The following PPP2R2B variants were observed in gnomAD, a reference collection of about 807,000 sequenced individuals.
PPP2R2B encodes protein phosphatase 2 regulatory subunit Bbeta, also known as serine/threonine-protein phosphatase 2A 55 kDa regulatory subunit B beta isoform.
In PPP2R2B, 5 loss-of-function variants were observed where a neutral mutation model predicts 46.0. That is an observed-to-expected ratio of 0.11 (90% CI 0.06 to 0.23). The LOEUF is 0.23. PPP2R2B is among the 10% of genes least tolerant of loss of function. The pLI, the probability that PPP2R2B is intolerant of heterozygous loss-of-function variation, is 1.00. For missense variants in PPP2R2B, 367 were observed against 575.0 expected (o/e 0.64, Z 3.70); for synonymous variants, 215 against 206.7 (o/e 1.04, Z -0.34).
intron 2 of PPP2R2B, among the ~76,000 whole-genome samples, chr5:146,826,661 C>T (rs1261352694): frequency 6.6e-6 from 1 of 152,100 alleles, no homozygotes; most frequent in Non-Finnish European, 1.5e-5. Flanking sequence ...GTGGCGTTTT[C>T]AAAACTCAGC....
intron 2 of PPP2R2B, among the ~76,000 whole-genome samples, chr5:146,811,788 C>A (rs1348931534): frequency 6.8e-6 from 1 of 147,382 alleles, no homozygotes; most frequent in African/African-American, 2.5e-5. Flanking sequence ...AGGATGGTCT[C>A]GATCTCCTGA....
At chr5:146,716,143 G>T (rs1160975095) in intron 2 of PPP2R2B, among the ~76,000 whole-genome samples, 1 of 149,170 alleles carries the variant, frequency 6.7e-6, no homozygotes, top group African/African-American at 2.6e-5. Context: ...TAGTAGGTTT[G>T]CAAAAAACAC....
chr5:146,698,287 C>A (rs1779302084), intron 3 of PPP2R2B, 143 bp from the exon 4 acceptor site: 2 of 167,900 alleles, frequency 1.2e-5, no homozygotes, highest in Non-Finnish European at 2.1e-5. Context: ...ATGATAGTCA[C>A]TAGCACCTCT....
At chr5:146,648,579 T>C (rs1165961484) in intron 6 of PPP2R2B, among the ~76,000 whole-genome samples, 2 of 152,180 alleles carry the variant, frequency 1.3e-5, no homozygotes, top group Non-Finnish European at 2.9e-5. Flanking sequence ...TACAAGGCCC[T>C]TGCTCTTGTA....
chr5:146,734,873 C>T (rs1011866422), intron 2 of PPP2R2B, among the ~76,000 whole-genome samples: 8 of 152,278 alleles, frequency 5.3e-5, no homozygotes, highest in Admixed American at 4.6e-4. Context: ...ATTTTGATGG[C>T]AAAAGCTACA....
At chr5:146,668,465 C>G (rs886241750) in intron 5 of PPP2R2B, among the ~76,000 whole-genome samples, 1 of 152,168 alleles carries the variant, frequency 6.6e-6, no homozygotes, top group Admixed American at 6.6e-5. Flanking sequence ...GTGCTATGAG[C>G]CCTTTTCATG....
chr5:146,861,831 T>A (rs1045201766), intron 2 of PPP2R2B, among the ~76,000 whole-genome samples: 3 of 148,402 alleles, frequency 2.0e-5, no homozygotes, highest in Non-Finnish European at 4.4e-5. Flanking sequence ...GAAGCTACCT[T>A]TGACTTTCTT....
chr5:147,061,524 C>G (rs1299961826), intron 2 of PPP2R2B, among the ~76,000 whole-genome samples: 1 of 152,118 alleles, frequency 6.6e-6, no homozygotes, highest in Middle Eastern at 3.2e-3. Context: ...ATAAGCTCTA[C>G]AGGGACACAG....
intron 6 of PPP2R2B, among the ~76,000 whole-genome samples, chr5:146,642,204 C>G (rs1775268738): frequency 6.6e-6 from 1 of 152,156 alleles, no homozygotes; most frequent in South Asian, 2.1e-4. Flanking sequence ...GGTGAGGGCA[C>G]CGCTGTGCCA....
At chr5:146,850,826 C>A (rs928498460) in intron 2 of PPP2R2B, among the ~76,000 whole-genome samples, 3 of 152,106 alleles carry the variant, frequency 2.0e-5, no homozygotes, top group African/African-American at 7.2e-5. Flanking sequence ...TGGTATCTAA[C>A]CCCATAGCTG....
At chr5:147,043,504 T>G (rs1234302167) in intron 1 of PPP2R2B, among the ~76,000 whole-genome samples, 4 of 152,080 alleles carry the variant, frequency 2.6e-5, no homozygotes, top group Non-Finnish European at 5.9e-5. Flanking sequence ...GATCTGATAC[T>G]TTCAGCCTCC....
intron 2 of PPP2R2B, among the ~76,000 whole-genome samples, chr5:146,770,812 G>T (rs890633986): frequency 6.6e-6 from 1 of 152,136 alleles, no homozygotes; most frequent in Non-Finnish European, 1.5e-5. Context: ...GAGTGCCTTT[G>T]GGGGCCAAGA....
At chr5:146,603,631 A>C (rs1307485033) in intron 7 of PPP2R2B, among the ~76,000 whole-genome samples, 6 of 152,240 alleles carry the variant, frequency 3.9e-5, no homozygotes, top group Admixed American at 2.0e-4. Context: ...TTCAAGTTTT[A>C]ATAGCAGCTC....
chr5:146,746,870 G>T (rs1448948713), intron 2 of PPP2R2B, among the ~76,000 whole-genome samples: 2 of 152,172 alleles, frequency 1.3e-5, no homozygotes, highest in Non-Finnish European at 2.9e-5. Flanking sequence ...CTCCCATTAT[G>T]CAGATACCAA....
At chr5:146,694,582 G>A (rs1581893572) in intron 4 of PPP2R2B, among the ~76,000 whole-genome samples, 1 of 152,170 alleles carries the variant, frequency 6.6e-6, no homozygotes, top group South Asian at 2.1e-4. Flanking sequence ...AACGATCATC[G>A]TCAACATTTT....
rs566157520 is a variant in PPP2R2B, at chr5:146,741,202, C to T, written c.71-40060G>A. Among the ~76,000 whole-genome samples the T allele has an allele frequency of 1.3e-4, 20 of 152,264 alleles. No homozygotes were observed. In the South Asian group the frequency reaches 3.9e-3, roughly 30 times the overall value. On this transcript the variant is annotated intron_variant, in intron 2 of 9. Coordinates refer to ENST00000394411, the MANE Select transcript of PPP2R2B (RefSeq NM_181675.4). ...CTAGTTGATAAGGATGGAGCACATGCAGTAAGGAAGGTTCTTGTCTAGCAG... is the reference window on the plus strand; with the variant it reads ...CTAGTTGATAAGGATGGAGCACATGTAGTAAGGAAGGTTCTTGTCTAGCAG...
At chr5:146,599,832 T>C (rs1274564918) in intron 8 of PPP2R2B, among the ~76,000 whole-genome samples, 1 of 152,186 alleles carries the variant, frequency 6.6e-6, no homozygotes, top group African/African-American at 2.4e-5. Context: ...CGGTGTATGA[T>C]GTTCCCCTTC....
At chr5:146,709,119 T>C (rs1032902434) in intron 2 of PPP2R2B, among the ~76,000 whole-genome samples, 1 of 152,254 alleles carries the variant, frequency 6.6e-6, no homozygotes, top group Admixed American at 6.5e-5. Flanking sequence ...TACTGAATAT[T>C]CTTCCTTTCA....
rs189740420 is a variant in PPP2R2B, at chr5:146,920,991, T to C, written c.79+134674A>G. Among the ~76,000 whole-genome samples the C allele has an allele frequency of 3.5e-4, 53 of 152,360 alleles. 1 individual carries two copies. The highest frequency in any genetic ancestry group is 2.1e-3 in the Admixed American group (32 of 15,296). The stretch of plus-strand genomic sequence containing the variant: ...ATCTCTAAATTAAACCATTTCTGCC[T>C]GGGCAGACCAAATTAGTCTTTTCTA... On this transcript the variant is annotated intron_variant, in intron 1 of 8. Transcript: ENST00000336640.
Sources: gnomAD v4.1 joint callset for allele counts (sites outside exome capture counted in the v4.1 genomes callset) on GRCh38, gnomAD v4.1.1 for gene constraint, MANE v1.5 for transcripts, NCBI Gene and HGNC (gene_info 2026-07-23, HGNC 2026-07-21) for gene names.